Variants in RYK observed in about 807,000 individuals in gnomAD.
RYK encodes the protein inactive tyrosine-protein kinase RYK.
In RYK, 21 loss-of-function variants were observed where a neutral mutation model predicts 70.2. The ratio of observed to expected loss-of-function variants is 0.30; its 90% CI spans 0.21 to 0.43. The LOEUF (loss-of-function observed/expected upper bound fraction) is 0.43, where lower values mean the gene tolerates loss of function less well. Ranked by LOEUF, RYK falls within the 20% of genes least tolerant of loss-of-function variation. RYK has a pLI of 1.00. For missense variants in RYK, 604 were observed against 753.3 expected, an observed-to-expected ratio of 0.80 and a Z score of 2.32; for synonymous variants, 267 against 278.0, an observed-to-expected ratio of 0.96 and a Z score of 0.39.
intron 13 of RYK, among the ~76,000 whole-genome samples, chr3:134,169,308 T>C (rs1410293267): frequency 2.0e-5 from 3 of 152,320 alleles, no homozygotes; most frequent in Admixed American, 6.5e-5. Context: ...TAGAAAGTAG[T>C]TCTTAAGAGC....
chr3:134,203,467 A>C (rs2014094996), intron 5 of RYK, among the ~76,000 whole-genome samples: 1 of 152,232 alleles, frequency 6.6e-6, no homozygotes, highest in Non-Finnish European at 1.5e-5. Context: ...TCTATGGGAC[A>C]AATGGTATAA....
chr3:134,220,680 A>G (rs1379072788), intron 2 of RYK, among the ~76,000 whole-genome samples: 3 of 152,240 alleles, frequency 2.0e-5, no homozygotes, highest in Non-Finnish European at 4.4e-5. Flanking sequence ...ATATATATGT[A>G]CATATACACA....
chr3:134,220,929 T>C (rs2014715189), intron 2 of RYK, among the ~76,000 whole-genome samples: 1 of 152,172 alleles, frequency 6.6e-6, no homozygotes, highest in Non-Finnish European at 1.5e-5. Flanking sequence ...AAAATCCATG[T>C]GTCCCATCAA....
intron 9 of RYK, 132 bp downstream of exon 9, chr3:134,188,705 G>T: frequency 1.7e-6 from 1 of 576,406 alleles, no homozygotes; most frequent in Non-Finnish European, 3.1e-6. Flanking sequence ...GACAATTTTT[G>T]TTTTCAGCTA....
intron 1 of RYK, among the ~76,000 whole-genome samples, chr3:134,244,629 G>A (rs1025715976): frequency 1.3e-5 from 2 of 152,142 alleles, no homozygotes; most frequent in African/African-American, 4.8e-5. Context: ...ACACAGGAAG[G>A]CCAACCAGAG....
At chr3:134,202,918 T>C in intron 5 of RYK, 44 bp from the exon 6 acceptor site, 5 of 1,549,542 alleles carry the variant, frequency 3.2e-6, no homozygotes, top group Middle Eastern at 1.8e-4. Context: ...TAAACAAATA[T>C]GACTGCTTTG....
chr3:134,178,045 TAC>T lies in RYK; in HGVS notation c.1199_1200del (p.Cys400TyrfsTer20). 6.3e-7 allele frequency: 1 copy of T among 1,594,346 alleles called. No individual in the cohort carries two copies. The highest frequency in any genetic ancestry group is 8.6e-7 in the Non-Finnish European group (1 of 1,167,822). On this transcript the variant is annotated frameshift_variant, in exon 11 of 15. Transcript: ENST00000623711. LOFTEE classifies it high-confidence loss of function. ...HRNLLPITHVCIEEGEKPMVI... is the reference protein window; with the variant it reads ...HRNLLPITHVXIEEGEKPMVI... ...ACCATGGGCTTTTCTCCTTCTTCTATACACACATGAGTAATAGGAAGAAGATT... is the reference window on the plus strand; with the variant it reads ...ACCATGGGCTTTTCTCCTTCTTCTATACACATGAGTAATAGGAAGAAGATT...
At chr3:134,176,496 G>C (rs1158944436) in intron 11 of RYK, among the ~76,000 whole-genome samples, 1 of 152,058 alleles carries the variant, frequency 6.6e-6, no homozygotes, top group African/African-American at 2.4e-5. Context: ...CCCAGCACTT[G>C]GGAAGGCTGA....
At chr3:134,194,547 G>A (rs1016764078) in intron 7 of RYK, among the ~76,000 whole-genome samples, 7 of 152,034 alleles carry the variant, frequency 4.6e-5, no homozygotes, top group African/African-American at 1.2e-4. Context: ...ACCACAATAG[G>A]GCACTGGGTA....
At chr3:134,223,246 A>C (rs1475121396) in intron 1 of RYK, among the ~76,000 whole-genome samples, 1 of 152,214 alleles carries the variant, frequency 6.6e-6, no homozygotes, top group Non-Finnish European at 1.5e-5. Flanking sequence ...ATGCCGGAGA[A>C]GTGACTCCGA....
chr3:134,198,355 C>T (rs993968772), intron 6 of RYK, among the ~76,000 whole-genome samples: 1 of 152,218 alleles, frequency 6.6e-6, no homozygotes, highest in African/African-American at 2.4e-5. Flanking sequence ...CCACTTCATC[C>T]ATTCATTCCA....
chr3:134,198,248 A>T (rs1480705001), intron 6 of RYK, among the ~76,000 whole-genome samples: 2 of 152,242 alleles, frequency 1.3e-5, no homozygotes, highest in Non-Finnish European at 2.9e-5. Flanking sequence ...GGAGATACTA[A>T]CCCTGTCTTA....
intron 9 of RYK, among the ~76,000 whole-genome samples, chr3:134,187,875 T>C (rs2013519344): frequency 1.3e-5 from 2 of 152,060 alleles, no homozygotes; most frequent in South Asian, 4.1e-4. Context: ...TTCAGAACTA[T>C]TTAAGCTTTC....
chr3:134,211,286 A>G (rs1444478473), intron 3 of RYK, among the ~76,000 whole-genome samples: 6 of 152,242 alleles, frequency 3.9e-5, no homozygotes, highest in Non-Finnish European at 8.8e-5. Flanking sequence ...ATGCAGAAAA[A>G]GAGACAGGGA....
chr3:134,181,362 TAGG>T (rs2013290266), intron 10 of RYK: 1 of 152,174 alleles, frequency 6.6e-6, no homozygotes, highest in African/African-American at 2.4e-5. Flanking sequence ...GCCGAGAAGC[TAGG>T]AGGTGTTTTA....
At chr3:134,213,038 A>G (rs925681552) in intron 2 of RYK, among the ~76,000 whole-genome samples, 1 of 152,190 alleles carries the variant, frequency 6.6e-6, no homozygotes, top group Non-Finnish European at 1.5e-5. Flanking sequence ...TACCTTGGCT[A>G]GGAAGTGTTC....
intron 7 of RYK, among the ~76,000 whole-genome samples, chr3:134,193,576 G>A (rs541871773): frequency 6.6e-6 from 1 of 152,180 alleles, no homozygotes; most frequent in Non-Finnish European, 1.5e-5. Context: ...CCATTCTAAT[G>A]AGCAAAGATT....
intron 12 of RYK, 63 bp from the exon 13 acceptor site, chr3:134,175,831 AC>A: frequency 6.3e-7 from 1 of 1,577,208 alleles, no homozygotes; most frequent in Middle Eastern, 1.7e-4. Flanking sequence ...GATCATCACC[AC>A]CCTTAAATAC....
chr3:134,198,790 T>C (rs2013894420), intron 6 of RYK, among the ~76,000 whole-genome samples: 1 of 152,254 alleles, frequency 6.6e-6, no homozygotes, highest in South Asian at 2.1e-4. Context: ...TCATTGGTTA[T>C]TCAACCAAAT....
Sources: gnomAD v4.1 joint callset for allele counts (sites outside exome capture counted in the v4.1 genomes callset) on GRCh38, gnomAD v4.1.1 for gene constraint, MANE v1.5 for transcripts, NCBI Gene and HGNC (gene_info 2026-07-23, HGNC 2026-07-21) for gene names.